Variants in PRUNE2 observed in about 807,000 individuals in gnomAD.
PRUNE2 encodes the protein prune homolog 2 with BCH domain.
A neutral mutation model predicts 252.0 loss-of-function variants in PRUNE2; 164 were observed. The ratio of observed to expected loss-of-function variants is 0.65; its 90% CI spans 0.57 to 0.74. PRUNE2 has a LOEUF of 0.74. Ranked by LOEUF, PRUNE2 falls within the 30% of genes least tolerant of loss-of-function variation. The pLI is 0.00. For synonymous variants in PRUNE2, 1,292 were observed against 1,350.2 expected, an observed-to-expected ratio of 0.96 and a Z score of 0.94; for missense variants, 3,495 against 3,711.0, an observed-to-expected ratio of 0.94 and a Z score of 1.51.
At chr9:76,642,001 TAAAAAAAAAAAAAA>T in intron 12 of PRUNE2, 1 of 1,010,460 alleles carries the variant, frequency 9.9e-7, no homozygotes, top group Non-Finnish European at 1.4e-6. Flanking sequence ...ATAAGAGAAG[TAAAAAAAAAAAAAA>T]AAGAAAAGAA....
At chr9:76,625,120 G>T in intron 16 of PRUNE2, 2 of 1,139,974 alleles carry the variant, frequency 1.8e-6, no homozygotes, top group Non-Finnish European at 2.4e-6. Flanking sequence ...AAAATGACAA[G>T]TAAATGATTT....
chr9:76,837,987 G>A (rs1477466123), intron 4 of PRUNE2, among the ~76,000 whole-genome samples: 6 of 151,780 alleles, frequency 4.0e-5, no homozygotes, highest in Admixed American at 2.6e-4. Context: ...TAGCCAGGAT[G>A]GTCTCGATCT....
chr9:76,786,998 G>C (rs1463652512), intron 6 of PRUNE2: 1 of 152,194 alleles, frequency 6.6e-6, no homozygotes, highest in African/African-American at 2.4e-5. Flanking sequence ...TCAGGAGCAA[G>C]ACCTGAGATG....
intron 9 of PRUNE2, among the ~76,000 whole-genome samples, chr9:76,656,136 T>C (rs2133393366): frequency 6.6e-6 from 1 of 152,344 alleles, no homozygotes; most frequent in Non-Finnish European, 1.5e-5. Context: ...CTCTTGTTTC[T>C]AATCAGTGCT....
chr9:76,670,657 A>T lies in PRUNE2; in HGVS notation c.8277-15155T>A, dbSNP rs1291122927. 5.3e-5 allele frequency among the ~76,000 whole-genome samples: 8 copies of T among 152,160 alleles called. No individual in the cohort carries two copies. In the East Asian group the frequency reaches 7.7e-4, roughly 15 times the overall value. On this transcript the variant is annotated intron_variant, in intron 9 of 18. Coordinates refer to ENST00000376718, the MANE Select transcript of PRUNE2 (RefSeq NM_015225.3). ...CTGCAGACTTAAATGTCCCTGTCTG[A>T]CAGCTTTGAAGAGAGCAGTGGTTCT...
chr9:76,728,721 G>A (rs1352262407), intron 6 of PRUNE2, among the ~76,000 whole-genome samples: 1 of 152,154 alleles, frequency 6.6e-6, no homozygotes, highest in African/African-American at 2.4e-5. Flanking sequence ...ATAGGCTTTG[G>A]AATACAGCAG....
chr9:76,690,924 T>C (rs1407345563), intron 9 of PRUNE2, among the ~76,000 whole-genome samples: 3 of 152,214 alleles, frequency 2.0e-5, no homozygotes, highest in Non-Finnish European at 2.9e-5. Context: ...AAAAGCCGTT[T>C]TGTTTTATTT....
At chr9:76,895,345 A>G (rs1024795620) in intron 1 of PRUNE2, among the ~76,000 whole-genome samples, 1 of 152,042 alleles carries the variant, frequency 6.6e-6, no homozygotes, top group Non-Finnish European at 1.5e-5. Context: ...GCTGAGGCCT[A>G]TTTATGCCTC....
intron 6 of PRUNE2, among the ~76,000 whole-genome samples, chr9:76,822,108 G>T (rs1348313192): frequency 1.3e-5 from 2 of 152,106 alleles, no homozygotes; most frequent in Admixed American, 6.6e-5. Flanking sequence ...GTTTTCCTTG[G>T]GTTCTTAGGC....
intron 12 of PRUNE2, chr9:76,642,001 T>TAAAAAAAAAAAAAAAGAAAA: frequency 9.9e-7 from 1 of 1,010,458 alleles, no homozygotes. Context: ...ATAAGAGAAG[T>TAAAAAAAAAAAAAAAGAAAA]AAAAAAAAAA....
chr9:76,616,477 A>G (rs1240975630), intron 18 of PRUNE2, among the ~76,000 whole-genome samples: 1 of 152,186 alleles, frequency 6.6e-6, no homozygotes, highest in Non-Finnish European at 1.5e-5. Flanking sequence ...GTGGGTCAGA[A>G]TATGTGAAAT....
chr9:76,839,547 A>T (rs1348806354), intron 4 of PRUNE2, among the ~76,000 whole-genome samples: 1 of 152,196 alleles, frequency 6.6e-6, no homozygotes, highest in Non-Finnish European at 1.5e-5. Context: ...TTACCAAGGG[A>T]TGTGAGAATA....
intron 9 of PRUNE2, among the ~76,000 whole-genome samples, chr9:76,701,911 T>C (rs1303370846): frequency 6.6e-6 from 1 of 152,114 alleles, no homozygotes; most frequent in Non-Finnish European, 1.5e-5. Context: ...ATTTTACGCA[T>C]GAGAAAACCT....
chr9:76,870,611 G>A (rs976918926), intron 1 of PRUNE2, among the ~76,000 whole-genome samples: 14 of 151,728 alleles, frequency 9.2e-5, no homozygotes, highest in African/African-American at 3.2e-4. Flanking sequence ...GCGTGAACCC[G>A]GGAGGCGGAG....
At chr9:76,644,033 T>G (rs1843699664) in intron 12 of PRUNE2, among the ~76,000 whole-genome samples, 1 of 152,104 alleles carries the variant, frequency 6.6e-6, no homozygotes, top group Non-Finnish European at 1.5e-5. Flanking sequence ...CTGTCGAGGT[T>G]TTCTGAAGTT....
intron 1 of PRUNE2, among the ~76,000 whole-genome samples, chr9:76,881,369 GTA>G (rs1223120662): frequency 6.6e-6 from 1 of 152,056 alleles, no homozygotes; most frequent in Non-Finnish European, 1.5e-5. Context: ...TTGTTTATGA[GTA>G]TATATGAGTA....
intron 9 of PRUNE2, among the ~76,000 whole-genome samples, chr9:76,663,615 A>AC (rs1025577940): frequency 6.6e-6 from 1 of 151,692 alleles, no homozygotes; most frequent in Non-Finnish European, 1.5e-5. Flanking sequence ...TTGCATGTCA[A>AC]TTTTTTTTTC....
rs138922936 is a variant in PRUNE2 at position 76,871,853 on chromosome 9, T to C, written c.37-17645A>G. On this transcript the variant is annotated intron_variant, in intron 1 of 18. Transcript: ENST00000376718. ...CATGTTGCCCAGACTGGTCTCAAACTCCTGGCCTCAAGCAATCTGCCTGCC... is the reference window on the plus strand; with the variant it reads ...CATGTTGCCCAGACTGGTCTCAAACCCCTGGCCTCAAGCAATCTGCCTGCC... Among the ~76,000 whole-genome samples the C allele has an allele frequency of 6.8e-3, 1,028 of 152,274 alleles. 16 individuals are homozygous for C. Among genetic ancestry groups the C allele is most frequent in the African/African-American group, 0.024 (987 of 41,562 alleles).
intron 1 of PRUNE2, chr9:76,868,837 T>TGGGGGGGGGGGGGG (rs111357062): frequency 6.5e-5 from 5 of 77,094 alleles, no homozygotes; most frequent in Non-Finnish European, 1.4e-4. Flanking sequence ...CCTTGGGGGG[T>TGGGGGGGGGGGGGG]GGGGGGGGGG....
Sources: gnomAD v4.1 joint callset for allele counts (sites outside exome capture counted in the v4.1 genomes callset) on GRCh38, gnomAD v4.1.1 for gene constraint, MANE v1.5 for transcripts, NCBI Gene and HGNC (gene_info 2026-07-23, HGNC 2026-07-21) for gene names.